MARCHF1: variants seen among roughly 807,000 people sequenced by gnomAD.
The protein encoded by MARCHF1 is E3 ubiquitin-protein ligase MARCHF1.
In MARCHF1, 40 loss-of-function variants were observed where a neutral mutation model predicts 54.2. The observed-to-expected ratio is 0.74, with a 90% CI of 0.57 to 0.96. MARCHF1 has a LOEUF of 0.96. Among genes scored for constraint, MARCHF1 ranks in the 40% least tolerant of loss-of-function variants. MARCHF1 has a pLI of 0.00. For missense variants in MARCHF1, 586 were observed against 656.5 expected (o/e 0.89, Z 1.17); for synonymous variants, 236 against 236.3 (o/e 1.00, Z 0.01).
At chr4:164,216,810 T>A (rs371003873) in intron 1 of MARCHF1, among the ~76,000 whole-genome samples, 1 of 152,112 alleles carries the variant, frequency 6.6e-6, no homozygotes, top group African/African-American at 2.4e-5. Flanking sequence ...GCAGGGAAAA[T>A]TCCTGACTTT....
At chr4:163,542,180 G>A (rs1259914145) in intron 9 of MARCHF1, among the ~76,000 whole-genome samples, 5 of 152,134 alleles carry the variant, frequency 3.3e-5, no homozygotes, top group Non-Finnish European at 5.9e-5. Context: ...TTACTGTCTG[G>A]AATCCTGCAC....
At chr4:164,344,023 A>G (rs1183175893) in intron 1 of MARCHF1, among the ~76,000 whole-genome samples, 1 of 152,212 alleles carries the variant, frequency 6.6e-6, no homozygotes, top group East Asian at 1.9e-4. Flanking sequence ...GTACATATAT[A>G]TCATGGACTA....
chr4:163,909,942 C>T (rs1225260435), intron 3 of MARCHF1, among the ~76,000 whole-genome samples: 1 of 152,118 alleles, frequency 6.6e-6, no homozygotes, highest in Admixed American at 6.5e-5. Flanking sequence ...TACTAGCTAC[C>T]CAGTTGAATC....
At chr4:164,152,146 G>C (rs1253447688) in intron 1 of MARCHF1, among the ~76,000 whole-genome samples, 1 of 152,098 alleles carries the variant, frequency 6.6e-6, no homozygotes, top group Non-Finnish European at 1.5e-5. Context: ...AAATAAACAT[G>C]TACCTACATA....
chr4:163,633,670 C>A (rs898256769), intron 5 of MARCHF1, among the ~76,000 whole-genome samples: 35 of 152,178 alleles, frequency 2.3e-4, no homozygotes, highest in Non-Finnish European at 4.7e-4. Context: ...GGAAAACACT[C>A]TGCAGGATAT....
At position 163,739,589 on chromosome 4, in the gene MARCHF1, G is replaced by A. The variant is rs1052411424; in HGVS notation, c.112-38726C>T. On this transcript the variant is annotated intron_variant, in intron 4 of 9. Transcript: ENST00000514618. ...ATACCCTCCTCTTACAAGTTTTAAC[G>A]AACACTCTTCAGTATTTAGCAACTA... Among the ~76,000 whole-genome samples, 7 of 152,150 alleles carry A rather than the reference G, an allele frequency of 4.6e-5. No homozygotes were observed. In the East Asian group the frequency reaches 5.8e-4, roughly 13 times the overall value.
chr4:163,992,453 T>C (rs1012769320), intron 2 of MARCHF1, among the ~76,000 whole-genome samples: 15 of 151,962 alleles, frequency 9.9e-5, no homozygotes, highest in African/African-American at 3.6e-4. Flanking sequence ...CAACAATAAA[T>C]AATATTAGAT....
chr4:164,133,573 G>T (rs1756343805), intron 1 of MARCHF1, among the ~76,000 whole-genome samples: 2 of 152,224 alleles, frequency 1.3e-5, no homozygotes, highest in South Asian at 4.1e-4. Context: ...ATGAAATCTT[G>T]CCTAAAGAGA....
At chr4:163,799,938 T>C (rs916708729) in intron 4 of MARCHF1, among the ~76,000 whole-genome samples, 1 of 152,116 alleles carries the variant, frequency 6.6e-6, no homozygotes, top group African/African-American at 2.4e-5. Flanking sequence ...ATAGATACCA[T>C]GGAATAGTAT....
intron 1 of MARCHF1, among the ~76,000 whole-genome samples, chr4:164,333,330 AC>A (rs1485138915): frequency 6.6e-6 from 1 of 152,172 alleles, no homozygotes; most frequent in African/African-American, 2.4e-5. Flanking sequence ...ACTGTTTTTT[AC>A]AGATTAAAAG....
At chr4:164,197,407 A>G (rs1255513782) in intron 1 of MARCHF1, 4 of 1,613,320 alleles carry the variant, frequency 2.5e-6, no homozygotes, top group Non-Finnish European at 3.4e-6. Flanking sequence ...CAGTGGCTCT[A>G]TTGTGCTGAG....
intron 8 of MARCHF1, among the ~76,000 whole-genome samples, chr4:163,555,328 A>G (rs1435154598): frequency 1.3e-5 from 2 of 152,208 alleles, no homozygotes; most frequent in African/African-American, 2.4e-5. Context: ...TAAGGAAGGA[A>G]AAGTTCAGGG....
At chr4:164,326,957 TTGTGTGTGTGTGTGTG>T (rs370504086) in intron 1 of MARCHF1, among the ~76,000 whole-genome samples, 17 of 133,664 alleles carry the variant, frequency 1.3e-4, no homozygotes, top group Non-Finnish European at 1.7e-4. Context: ...GTTGTAAGGA[TTGTGTGTGTGTGTGTG>T]TGTGTGTGTG....
chr4:163,730,419 T>C lies in MARCHF1; in HGVS notation c.112-29556A>G, dbSNP rs371073571. ...GAAACAGTTTCTTATGGTTTGTTTT[T>C]TCTTTAGAATGAGTCGTACTTTTTC... On this transcript the variant is annotated intron_variant, in intron 4 of 9. Coordinates refer to ENST00000514618, the MANE Select transcript of MARCHF1 (RefSeq NM_001394959.1). Among the ~76,000 whole-genome samples the C allele has an allele frequency of 3.9e-5, 6 of 152,282 alleles. No homozygotes were observed. In the East Asian group the frequency reaches 1.2e-3, roughly 29 times the overall value.
intron 3 of MARCHF1, among the ~76,000 whole-genome samples, chr4:163,872,449 T>C (rs1052311340): frequency 6.6e-6 from 1 of 152,326 alleles, no homozygotes; most frequent in South Asian, 2.1e-4. Context: ...TGGTCTCATG[T>C]GAGAAATTTG....
intron 2 of MARCHF1, among the ~76,000 whole-genome samples, chr4:164,051,668 C>T (rs1338306612): frequency 1.3e-5 from 2 of 152,112 alleles, no homozygotes; most frequent in East Asian, 1.9e-4. Context: ...TTTCCAAGAA[C>T]ATATAACTAC....
intron 4 of MARCHF1, 147 bp from the exon 5 acceptor site, chr4:163,701,010 A>G (rs1312009119): frequency 1.7e-6 from 1 of 575,514 alleles, no homozygotes; most frequent in Non-Finnish European, 3.1e-6. Context: ...TTGCTTACAC[A>G]GAATGCTTTT....
At chr4:164,288,226 T>A (rs1734198637) in intron 1 of MARCHF1, among the ~76,000 whole-genome samples, 1 of 147,706 alleles carries the variant, frequency 6.8e-6, no homozygotes, top group South Asian at 2.2e-4. Flanking sequence ...GAGAAAAAAG[T>A]AGAAGAAAAA....
intron 2 of MARCHF1, among the ~76,000 whole-genome samples, chr4:164,036,516 T>C (rs761678214): frequency 1.3e-5 from 2 of 152,208 alleles, no homozygotes; most frequent in Non-Finnish European, 2.9e-5. Context: ...ATTTTACTTG[T>C]AATAAAAATT....
Sources: allele counts gnomAD v4.1 joint callset (sites outside exome capture counted in the v4.1 genomes callset), GRCh38; gene constraint gnomAD v4.1.1; transcripts MANE v1.5; gene names NCBI Gene and HGNC (gene_info 2026-07-23, HGNC 2026-07-21).